Variants in KHDRBS3 observed in about 807,000 individuals in gnomAD.
KHDRBS3 encodes the protein KH RNA binding domain containing, signal transduction associated 3, also known as KH domain-containing, RNA-binding, signal transduction-associated protein 3.
In KHDRBS3, 23 loss-of-function variants were observed where a neutral mutation model predicts 45.6. That is an observed-to-expected ratio of 0.50 (90% CI 0.36 to 0.72). KHDRBS3 has a LOEUF of 0.72. Among genes scored for constraint, KHDRBS3 ranks in the 30% least tolerant of loss-of-function variants. The probability of loss-of-function intolerance (pLI) is 0.00; values close to 1 mark genes in which losing one functional copy is unlikely to be tolerated. For missense variants in KHDRBS3, 352 were observed against 424.8 expected (o/e 0.83, Z 1.51); for synonymous variants, 162 against 156.5 (o/e 1.04, Z -0.26).
chr8:135,630,344 C>T (rs746722644), intron 7 of KHDRBS3, among the ~76,000 whole-genome samples: 2 of 152,200 alleles, frequency 1.3e-5, no homozygotes, highest in Non-Finnish European at 2.9e-5. Flanking sequence ...TGTATTTACA[C>T]AGACCTTTGT....
At chr8:135,585,084 C>G (rs1032299561) in intron 6 of KHDRBS3, among the ~76,000 whole-genome samples, 2 of 151,224 alleles carry the variant, frequency 1.3e-5, no homozygotes, top group South Asian at 2.1e-4. Context: ...CAAAAATTAG[C>G]CGGGTGTAGT....
At chr8:135,495,808 AGTG>A (rs1209800020) in intron 1 of KHDRBS3, among the ~76,000 whole-genome samples, 1 of 152,090 alleles carries the variant, frequency 6.6e-6, no homozygotes, top group African/African-American at 2.4e-5. Flanking sequence ...AGTGGTGAAG[AGTG>A]GAGAAGAGTT....
intron 1 of KHDRBS3, among the ~76,000 whole-genome samples, chr8:135,514,073 C>T (rs1045268009): frequency 6.6e-6 from 1 of 152,176 alleles, no homozygotes; most frequent in Non-Finnish European, 1.5e-5. Context: ...ATCACCAGTA[C>T]TGAGGTTCTG....
chr8:135,519,922 A>T (rs964044307), intron 1 of KHDRBS3, among the ~76,000 whole-genome samples: 3 of 152,194 alleles, frequency 2.0e-5, no homozygotes, highest in Non-Finnish European at 4.4e-5. Flanking sequence ...AGCTTAAATA[A>T]ATCTTTCATT....
At chr8:135,641,425 A>G (rs994412211) in intron 7 of KHDRBS3, among the ~76,000 whole-genome samples, 1 of 152,242 alleles carries the variant, frequency 6.6e-6, no homozygotes. Context: ...CAACAGAGAT[A>G]AAATTCTCAA....
chr8:135,501,992 C>T (rs182452652), intron 1 of KHDRBS3, among the ~76,000 whole-genome samples: 6 of 152,240 alleles, frequency 3.9e-5, no homozygotes, highest in Admixed American at 3.9e-4. Context: ...AGTTGCAAGA[C>T]CTGTAGAGGA....
chr8:135,543,520 A>C (rs1010337955), intron 3 of KHDRBS3, among the ~76,000 whole-genome samples: 13 of 152,182 alleles, frequency 8.5e-5, no homozygotes, highest in African/African-American at 3.1e-4. Context: ...AACACAGGTG[A>C]TTTAAACACA....
At chr8:135,645,208 T>A in intron 8 of KHDRBS3, 91 bp downstream of exon 8, 3 of 1,345,912 alleles carry the variant, frequency 2.2e-6, no homozygotes, top group Non-Finnish European at 3.2e-6. Context: ...ATAAGGACAT[T>A]TGGACTCTGA....
intron 1 of KHDRBS3, among the ~76,000 whole-genome samples, chr8:135,491,304 A>G (rs553707457): frequency 3.7e-4 from 56 of 152,242 alleles, no homozygotes; most frequent in African/African-American, 1.3e-3. Context: ...ATTGTGAGGT[A>G]TCTATTTTTG....
At chr8:135,644,527 A>G (rs939674308) in intron 7 of KHDRBS3, among the ~76,000 whole-genome samples, 2 of 152,258 alleles carry the variant, frequency 1.3e-5, no homozygotes, top group East Asian at 3.8e-4. Flanking sequence ...ACTATAAAGT[A>G]CAGCACCCAC....
intron 4 of KHDRBS3, among the ~76,000 whole-genome samples, chr8:135,552,640 G>T (rs936539035): frequency 6.6e-6 from 1 of 151,624 alleles, no homozygotes; most frequent in Non-Finnish European, 1.5e-5. Flanking sequence ...TTGTTGCTGA[G>T]GTGTTTTTTA....
chr8:135,613,113 T>C (rs1182422250), intron 7 of KHDRBS3, among the ~76,000 whole-genome samples: 2 of 151,538 alleles, frequency 1.3e-5, no homozygotes, highest in African/African-American at 4.9e-5. Flanking sequence ...CCCCTCATAT[T>C]CCTACTTTTT....
At chr8:135,569,930 G>C (rs6998265) in intron 5 of KHDRBS3, among the ~76,000 whole-genome samples, 9,011 of 151,160 alleles carry the variant, frequency 0.06, 854 homozygotes, top group East Asian at 0.34. Context: ...TAAGAAGAAA[G>C]AAAAACAAAA....
chr8:135,477,753 T>C (rs1264457038), intron 1 of KHDRBS3, among the ~76,000 whole-genome samples: 1 of 152,212 alleles, frequency 6.6e-6, no homozygotes, highest in East Asian at 1.9e-4. Flanking sequence ...GGACCTGTTA[T>C]CACAGTGGTC....
chr8:135,536,619 G>A (rs1681767320), intron 2 of KHDRBS3, among the ~76,000 whole-genome samples: 6 of 152,148 alleles, frequency 3.9e-5, no homozygotes, highest in Admixed American at 3.9e-4. Flanking sequence ...GAGCAGATGA[G>A]GGCCTAGACT....
intron 7 of KHDRBS3, among the ~76,000 whole-genome samples, chr8:135,633,470 T>G (rs1479965699): frequency 6.6e-6 from 1 of 152,248 alleles, no homozygotes. Flanking sequence ...CAAGACTTAA[T>G]AAATCAGGTG....
chr8:135,596,419 G>A (rs541833705), intron 6 of KHDRBS3, among the ~76,000 whole-genome samples: 3 of 152,212 alleles, frequency 2.0e-5, no homozygotes, highest in Non-Finnish European at 4.4e-5. Flanking sequence ...ATGGATCCCA[G>A]AGAAGCTATA....
At chr8:135,531,413 T>G (rs993490296) in intron 2 of KHDRBS3, among the ~76,000 whole-genome samples, 6 of 85,534 alleles carry the variant, frequency 7.0e-5, no homozygotes, top group African/African-American at 3.3e-4. Context: ...TATAGTAATC[T>G]CTGCAACAAC....
At chr8:135,587,050 A>G (rs1213935631) in intron 6 of KHDRBS3, among the ~76,000 whole-genome samples, 1 of 152,210 alleles carries the variant, frequency 6.6e-6, no homozygotes, top group Non-Finnish European at 1.5e-5. Flanking sequence ...AGTTCTTTTT[A>G]AATACTTATA....
Sources: allele counts gnomAD v4.1 joint callset (sites outside exome capture counted in the v4.1 genomes callset), GRCh38; gene constraint gnomAD v4.1.1; transcripts MANE v1.5; gene names NCBI Gene and HGNC (gene_info 2026-07-23, HGNC 2026-07-21).